Variants in NTRK1 observed in about 807,000 individuals in gnomAD.
NTRK1 encodes neurotrophic receptor tyrosine kinase 1.
In NTRK1, 62 loss-of-function variants were observed where a neutral mutation model predicts 86.8. The ratio of observed to expected loss-of-function variants is 0.71; its 90% CI spans 0.58 to 0.88. The LOEUF (loss-of-function observed/expected upper bound fraction) is 0.88. NTRK1 is among the 40% of genes least tolerant of loss of function. The probability of loss-of-function intolerance (pLI) is 0.00; values close to 1 mark genes in which losing one functional copy is unlikely to be tolerated. For synonymous variants in NTRK1, 469 were observed against 456.6 expected, an observed-to-expected ratio of 1.03 and a Z score of -0.35; for missense variants, 967 against 1,078.4, an observed-to-expected ratio of 0.90 and a Z score of 1.45.
Position 156,854,453 on chromosome 1 carries a change from G to A in NTRK1, c.51-9901G>A. On this transcript the variant is annotated intron_variant, in intron 2 of 16. Coordinates refer to the NTRK1 transcript ENST00000392302. This position sits in a 1 kb window ranked among gnomAD's most constrained non-coding sequence, Gnocchi z 4.2. ...TGGGTGTGGGGTGGCCTCCTTCCTGGGCCCCGGAGGGCTCACCTGCAGCCT... is the reference window on the plus strand; with the variant it reads ...TGGGTGTGGGGTGGCCTCCTTCCTGAGCCCCGGAGGGCTCACCTGCAGCCT... 1.3e-6 allele frequency: 1 copy of A among 791,414 alleles called. No homozygotes were observed. Among genetic ancestry groups the A allele is most frequent in the South Asian group, 1.8e-5 (1 of 54,346 alleles). 49.0% of individuals were successfully genotyped at this position (791,414 alleles called of 1,614,324 possible).
At position 156,873,917 on chromosome 1, in the gene NTRK1, A is replaced by G; in HGVS notation, c.1135A>G (p.Met379Val). 6.4e-7 allele frequency: 1 copy of G among 1,564,680 alleles called. No individual in the cohort carries two copies. The highest frequency in any genetic ancestry group is 8.7e-7 in the Non-Finnish European group (1 of 1,153,910). The change falls in exon 8 of 17, where the codon ATG becomes GTG. Residue 379 changes from methionine to valine, a missense_variant. Physicochemically the swap from Met to Val is conservative, Grantham distance 21. Around this residue, in one of 2 missense-constraint regions of NTRK1, gnomAD observed 637 missense variants for 776.5 expected, o/e 0.82. Transcript: ENST00000524377. ...CTCCGCCTCCATCATGGCTGCCTTC[A>G]TGGACAACCCTTTCGAGTTCAACCC... ...QASASIMAAF[M>V]DNPFEFNPED...
chr1:156,837,176 G>A (rs1301704750), intron 1 of NTRK1: 9 of 152,220 alleles, frequency 5.9e-5, no homozygotes, highest in Admixed American at 5.9e-4. Flanking sequence ...CCGTGCATCT[G>A]GAGCTCGCCA....
chr1:156,881,349 C>T (rs61813797), intron 16 of NTRK1, 108 bp from the exon 17 acceptor site: 41,609 of 1,070,432 alleles, frequency 0.039, 1,129 homozygotes, highest in South Asian at 0.1. Flanking sequence ...GAAGCCCAGA[C>T]GAGTAGTGTG....
At chr1:156,826,293 C>CTTT (rs386368405) in intron 1 of NTRK1, among the ~76,000 whole-genome samples, 45,403 of 87,490 alleles carry the variant, frequency 0.52, 14,440 homozygotes, top group East Asian at 0.76. Flanking sequence ...GACTTGAGCT[C>CTTT]TTTTTTTTTT....
At chr1:156,873,353 C>T (rs1013726110) in intron 7 of NTRK1, among the ~76,000 whole-genome samples, 23 of 152,166 alleles carry the variant, frequency 1.5e-4, no homozygotes, top group East Asian at 5.8e-4. Context: ...TAAGCTGATA[C>T]CCCACTCCTG....
intron 1 of NTRK1, among the ~76,000 whole-genome samples, chr1:156,818,688 G>A (rs942473151): frequency 1.3e-5 from 2 of 152,270 alleles, no homozygotes; most frequent in African/African-American, 4.8e-5. Context: ...ATTCCATGAT[G>A]CAGATATACC....
chr1:156,833,148 G>A (rs4661227), intron 1 of NTRK1, among the ~76,000 whole-genome samples: 22,758 of 152,196 alleles, frequency 0.15, 2,741 homozygotes, highest in African/African-American at 0.33. Context: ...TCCCAGCTCC[G>A]CCATTTATTA....
intron 4 of NTRK1, 132 bp from the exon 5 acceptor site, chr1:156,867,972 C>T: frequency 9.9e-7 from 1 of 1,006,916 alleles, no homozygotes; most frequent in Admixed American, 1.8e-5. Flanking sequence ...TTACTGGAGT[C>T]AGAGAGAAAG....
At chr1:156,878,824 A>C (rs529621714) in intron 14 of NTRK1, among the ~76,000 whole-genome samples, 1 of 152,144 alleles carries the variant, frequency 6.6e-6, no homozygotes, top group African/African-American at 2.4e-5. Context: ...TGAGTCTGAC[A>C]TGCCTATGGC....
At chr1:156,846,142 A>C in intron 2 of NTRK1, 2 of 1,558,694 alleles carry the variant, frequency 1.3e-6, no homozygotes, top group Non-Finnish European at 1.7e-6. Context: ...GAAGGATGCA[A>C]CTCAGGGGTG....
intron 2 of NTRK1, chr1:156,845,915 C>A (rs745765076): frequency 5.0e-6 from 8 of 1,602,506 alleles, no homozygotes; most frequent in Non-Finnish European, 4.3e-6. Flanking sequence ...CCTTCCCCAC[C>A]CGCCCCGCGG....
chr1:156,843,613 C>G, intron 2 of NTRK1: 1 of 887,566 alleles, frequency 1.1e-6, no homozygotes, highest in South Asian at 1.4e-5. Context: ...CAGGGTGACT[C>G]CTGGGGATCC....
rs2102905768 is a variant in NTRK1, at chr1:156,873,826, C to T, written c.1044C>T (p.Leu348=). 10 of 1,612,014 alleles carry T rather than the reference C, an allele frequency of 6.2e-6. No homozygotes were observed. Among genetic ancestry groups the T allele is most frequent in the Non-Finnish European group, 8.5e-6 (10 of 1,179,130 alleles). ...CCGTGCGGCACGGGTGTCTGCGCCTCAACCAGCCCACCCACGTCAACAACG... is the reference window on the plus strand; with the variant it reads ...CCGTGCGGCACGGGTGTCTGCGCCTTAACCAGCCCACCCACGTCAACAACG... The part of the protein sequence containing the change: ...NETVRHGCLR[L]NQPTHVNNGN... Residue 348 remains leucine (L), a synonymous_variant, in exon 8 of 17, where the codon CTC becomes CTT. Transcript: ENST00000524377.
intron 1 of NTRK1, chr1:156,841,252 G>A (rs1654768296): frequency 1.0e-6 from 1 of 991,180 alleles, no homozygotes; most frequent in African/African-American, 1.6e-5. Flanking sequence ...AGTCTTGGGG[G>A]TTTGGGATAG....
intron 2 of NTRK1, among the ~76,000 whole-genome samples, chr1:156,847,139 A>C (rs531863292): frequency 2.6e-5 from 4 of 152,388 alleles, no homozygotes; most frequent in Admixed American, 2.6e-4. Flanking sequence ...AACGAGGAAC[A>C]GGAGACTGCT....
chr1:156,844,601 G>T (rs1229304777), intron 2 of NTRK1: 1 of 1,614,050 alleles, frequency 6.2e-7, no homozygotes, highest in Non-Finnish European at 8.5e-7. Context: ...ATCGAAGACG[G>T]GACACACACA....
chr1:156,851,816 C>G lies in NTRK1; in HGVS notation c.50+9623C>G, dbSNP rs184005539. On this transcript the variant is annotated intron_variant, in intron 2 of 16. Coordinates refer to the NTRK1 transcript ENST00000392302. ...AGCAGGAGCAAGCAGATGTCCTGAG[C>G]CTTGGACCAGTTTGGGCCTCCTCAG... 4 of 1,594,814 alleles carry G rather than the reference C, an allele frequency of 2.5e-6. No homozygotes were observed. In the East Asian group the frequency reaches 9.0e-5, roughly 36 times the overall value.
chr1:156,862,863 G>A (rs562354703), intron 1 of NTRK1, among the ~76,000 whole-genome samples: 30 of 152,054 alleles, frequency 2.0e-4, no homozygotes, highest in Non-Finnish European at 3.1e-4. Flanking sequence ...GTCAGTGGAG[G>A]TTACTTTATA....
chr1:156,835,503 G>C (rs137864854), intron 1 of NTRK1, among the ~76,000 whole-genome samples: 29 of 152,072 alleles, frequency 1.9e-4, no homozygotes, highest in African/African-American at 6.8e-4. Context: ...ATCACAAAGA[G>C]AAAATACAGA....
Sources: gnomAD v4.1 joint callset for allele counts (sites outside exome capture counted in the v4.1 genomes callset) on GRCh38, gnomAD v4.1.1 for gene constraint, gnomAD v4.1.1 regional missense constraint, Gnocchi (gnomAD v3.1) non-coding constraint, MANE v1.5 for transcripts, NCBI Gene and HGNC (gene_info 2026-07-23, HGNC 2026-07-21) for gene names.